The following CCDC148 variants were observed in gnomAD, a reference collection of about 807,000 sequenced individuals.
CCDC148 encodes coiled-coil domain containing 148.
CCDC148 carries 89 observed loss-of-function variants against 85.7 expected under a neutral mutation model. The ratio of observed to expected loss-of-function variants is 1.04; its 90% CI spans 0.87 to 1.24. The LOEUF (loss-of-function observed/expected upper bound fraction) is 1.24, where lower values mean the gene tolerates loss of function less well. Among genes scored for constraint, CCDC148 ranks in the 50% most tolerant of loss-of-function variants. The probability of loss-of-function intolerance (pLI) is 0.00; values close to 1 mark genes in which losing one functional copy is unlikely to be tolerated. For missense variants in CCDC148, 692 were observed against 671.7 expected (o/e 1.03, Z -0.33); for synonymous variants, 230 against 213.9 (o/e 1.08, Z -0.66).
intron 1 of CCDC148, among the ~76,000 whole-genome samples, chr2:158,389,627 T>C (rs974176206): frequency 6.6e-6 from 1 of 152,234 alleles, no homozygotes; most frequent in African/African-American, 2.4e-5. Flanking sequence ...AAATGCTCTG[T>C]AGGACCACAA....
intron 3 of CCDC148, among the ~76,000 whole-genome samples, chr2:158,344,866 A>T (rs889766382): frequency 3.9e-5 from 6 of 152,082 alleles, no homozygotes; most frequent in African/African-American, 1.4e-4. Context: ...CCGTGATAGG[A>T]TCTTTACCAC....
At chr2:158,352,081 A>G (rs1662398681) in intron 2 of CCDC148, among the ~76,000 whole-genome samples, 3 of 144,812 alleles carry the variant, frequency 2.1e-5, no homozygotes, top group East Asian at 4.1e-4. Flanking sequence ...TCTGTACATC[A>G]CCATCATCAA....
At chr2:158,199,543 C>G (rs985931402) in intron 11 of CCDC148, among the ~76,000 whole-genome samples, 1 of 152,076 alleles carries the variant, frequency 6.6e-6, no homozygotes, top group Non-Finnish European at 1.5e-5. Context: ...CCACGTCCGG[C>G]CTTTGATATT....
rs114368104 is a variant in CCDC148 at position 158,198,541 on chromosome 2, G to A, written c.1371-19545C>T. ...AGGAATCATGAAGTTTCCCAAATGC[G>A]AATTCATGATGATTTTACACACACG... On this transcript the variant is annotated intron_variant, in intron 11 of 13. Transcript: ENST00000283233. 4.0e-3 allele frequency among the ~76,000 whole-genome samples: 616 copies of A among 152,198 alleles called. 3 individuals carry two copies. Among genetic ancestry groups the A allele is most frequent in the African/African-American group, 0.014 (575 of 41,524 alleles).
intron 9 of CCDC148, among the ~76,000 whole-genome samples, chr2:158,281,199 A>T (rs897243309): frequency 1.2e-4 from 18 of 152,092 alleles, no homozygotes; most frequent in Non-Finnish European, 1.0e-4. Context: ...TTGACACCCT[A>T]ACATCACAAT....
At chr2:158,339,786 AAAG>A (rs1409802795) in intron 5 of CCDC148, among the ~76,000 whole-genome samples, 2 of 152,196 alleles carry the variant, frequency 1.3e-5, no homozygotes, top group African/African-American at 2.4e-5. Flanking sequence ...GGAGAAACAG[AAAG>A]AAGGCCAGCC....
chr2:158,453,868 G>T (rs991150790), intron 1 of CCDC148, among the ~76,000 whole-genome samples: 1 of 152,094 alleles, frequency 6.6e-6, no homozygotes, highest in Non-Finnish European at 1.5e-5. Context: ...TTCTAACCTT[G>T]CCCTGGGCCC....
intron 10 of CCDC148, among the ~76,000 whole-genome samples, chr2:158,244,292 C>A (rs1521860): frequency 0.85 from 128,988 of 152,070 alleles, 57,089 homozygotes; most frequent in Non-Finnish European, 0.97. Context: ...ATAAAAATTG[C>A]CTCAAATTTA....
chr2:158,237,692 A>G (rs1437494853), intron 10 of CCDC148, among the ~76,000 whole-genome samples: 1 of 152,220 alleles, frequency 6.6e-6, no homozygotes, highest in Admixed American at 6.6e-5. Flanking sequence ...GTTCAAAAGA[A>G]AAGTCCAGGC....
At chr2:158,177,697 A>G (rs1684663049) in intron 12 of CCDC148, among the ~76,000 whole-genome samples, 1 of 152,190 alleles carries the variant, frequency 6.6e-6, no homozygotes, top group Admixed American at 6.6e-5. Context: ...GATTACCAGG[A>G]CTTACATTCC....
At chr2:158,263,500 A>G (rs1689321932) in intron 9 of CCDC148, among the ~76,000 whole-genome samples, 1 of 152,044 alleles carries the variant, frequency 6.6e-6, no homozygotes, top group South Asian at 2.1e-4. Context: ...CAATTTTGTA[A>G]TCCATAAAAT....
intron 1 of CCDC148, among the ~76,000 whole-genome samples, chr2:158,394,289 T>A (rs1475988211): frequency 6.6e-6 from 1 of 151,890 alleles, no homozygotes; most frequent in Non-Finnish European, 1.5e-5. Context: ...CATTGACAAA[T>A]AAATAGGGAA....
intron 1 of CCDC148, among the ~76,000 whole-genome samples, chr2:158,430,965 A>G (rs1206876007): frequency 6.6e-6 from 1 of 152,114 alleles, no homozygotes; most frequent in African/African-American, 2.4e-5. Flanking sequence ...TGGAATTAAT[A>G]GCAGATTAGA....
intron 1 of CCDC148, among the ~76,000 whole-genome samples, chr2:158,431,428 A>G (rs1289578706): frequency 6.6e-6 from 1 of 151,980 alleles, no homozygotes; most frequent in African/African-American, 2.4e-5. Context: ...ACTGTAAGAA[A>G]CTATACAAGT....
At chr2:158,351,564 T>G (rs1030851554) in intron 2 of CCDC148, among the ~76,000 whole-genome samples, 6 of 151,724 alleles carry the variant, frequency 4.0e-5, no homozygotes, top group Admixed American at 2.6e-4. Context: ...GCACCTGGCT[T>G]GGAGGGTCCT....
chr2:158,389,646 A>G (rs1199979099), intron 1 of CCDC148, among the ~76,000 whole-genome samples: 1 of 152,176 alleles, frequency 6.6e-6, no homozygotes, highest in African/African-American at 2.4e-5. Context: ...AACATTACCT[A>G]TTTATTTGTA....
intron 10 of CCDC148, among the ~76,000 whole-genome samples, chr2:158,239,190 T>C (rs1264057579): frequency 6.6e-6 from 1 of 152,140 alleles, no homozygotes; most frequent in Non-Finnish European, 1.5e-5. Flanking sequence ...GTCAAAAATT[T>C]ATACCTGGAG....
intron 10 of CCDC148, among the ~76,000 whole-genome samples, chr2:158,226,752 A>G (rs1687555764): frequency 6.6e-6 from 1 of 152,180 alleles, no homozygotes; most frequent in Admixed American, 6.5e-5. Context: ...ACAAAATTCA[A>G]CAGCCCTTCA....
At chr2:158,330,464 A>G (rs1390694016) in intron 7 of CCDC148, among the ~76,000 whole-genome samples, 2 of 151,936 alleles carry the variant, frequency 1.3e-5, no homozygotes. Flanking sequence ...TTGGTCTAAA[A>G]TTTTCTTTTT....
Sources: allele counts gnomAD v4.1 joint callset (sites outside exome capture counted in the v4.1 genomes callset), GRCh38; gene constraint gnomAD v4.1.1; transcripts MANE v1.5; gene names NCBI Gene and HGNC (gene_info 2026-07-23, HGNC 2026-07-21).